PCDH15: variants seen among roughly 807,000 people sequenced by gnomAD.
The protein encoded by PCDH15 is protocadherin related 15, also known as protocadherin-15.
In PCDH15, 129 loss-of-function variants were observed where a neutral mutation model predicts 178.5. That is an observed-to-expected ratio of 0.72 (90% confidence interval 0.63 to 0.84). PCDH15 has a LOEUF of 0.84. Among genes scored for constraint, PCDH15 ranks in the 40% least tolerant of loss-of-function variants. The pLI, the probability that PCDH15 is intolerant of heterozygous loss-of-function variation, is 0.00. For missense variants in PCDH15, 2,230 were observed against 2,099.9 expected (o/e 1.06, Z -1.21); for synonymous variants, 800 against 732.0 (o/e 1.09, Z -1.50).
At chr10:55,433,026 AAAAACAAAAC>A (rs71461301) in intron 2 of PCDH15, among the ~76,000 whole-genome samples, 9 of 115,482 alleles carry the variant, frequency 7.8e-5, no homozygotes, top group African/African-American at 1.1e-4. Context: ...TCCGTCTCAA[AAAAACAAAAC>A]AAAACAAAAC....
chr10:53,922,619 T>G (rs2133890241), intron 25 of PCDH15, among the ~76,000 whole-genome samples: 1 of 152,336 alleles, frequency 6.6e-6, no homozygotes, highest in Non-Finnish European at 1.5e-5. Context: ...TAATCTGTGT[T>G]ACATAGAATT....
intron 2 of PCDH15, among the ~76,000 whole-genome samples, chr10:54,531,061 A>G (rs2083861411): frequency 6.6e-6 from 1 of 152,168 alleles, no homozygotes; most frequent in Admixed American, 6.6e-5. Context: ...CAAAGGGAAG[A>G]CTAGAAAGCA....
intron 3 of PCDH15, among the ~76,000 whole-genome samples, chr10:54,494,601 T>C (rs2079932789): frequency 6.6e-6 from 1 of 152,136 alleles, no homozygotes; most frequent in Non-Finnish European, 1.5e-5. Context: ...CAGCCAATCA[T>C]GCCACCCTTT....
At chr10:54,490,273 ACT>A (rs1426463258) in intron 3 of PCDH15, among the ~76,000 whole-genome samples, 2 of 151,888 alleles carry the variant, frequency 1.3e-5, no homozygotes, top group African/African-American at 4.8e-5. Context: ...ACACGGTGAA[ACT>A]CTGTCTCTAT....
At chr10:55,344,777 T>A (rs1445390255) in intron 2 of PCDH15, among the ~76,000 whole-genome samples, 1 of 152,008 alleles carries the variant, frequency 6.6e-6, no homozygotes, top group Admixed American at 6.6e-5. Flanking sequence ...GAGTAATTAC[T>A]GTATGGATTG....
chr10:53,838,399 G>A (rs988094673), intron 29 of PCDH15, among the ~76,000 whole-genome samples: 12 of 151,978 alleles, frequency 7.9e-5, no homozygotes, highest in Non-Finnish European at 1.8e-4. Flanking sequence ...AACTTATTTA[G>A]AATTAATTAA....
At chr10:53,928,845 G>A (rs1564793541) in intron 25 of PCDH15, among the ~76,000 whole-genome samples, 1 of 151,580 alleles carries the variant, frequency 6.6e-6, no homozygotes, top group African/African-American at 2.4e-5. Context: ...TTTAAATTTG[G>A]ACTAAAAAGG....
rs938143291 is a variant in PCDH15 at position 53,804,798 on chromosome 10, T to C, written c.*1781A>G. 5 of 152,054 alleles carry C rather than the reference T, an allele frequency of 3.3e-5. No homozygotes were observed. The highest frequency in any genetic ancestry group is 1.2e-4 in the African/African-American group (5 of 41,444). 9.4% of individuals were successfully genotyped at this position (152,054 alleles called of 1,614,324 possible). A position where few individuals can be genotyped will look rare whatever the true frequency, so the allele number is the denominator to read the frequency against. ...TGAAGGAATAAGCCCCGGACTTCAT[T>C]GCTTCCAAAATTTAATGTGCATATA... On this transcript the variant is annotated 3_prime_UTR_variant, in exon 38 of 38. Transcript: ENST00000644397.
intron 21 of PCDH15, among the ~76,000 whole-genome samples, chr10:53,984,586 C>T (rs1172586638): frequency 6.6e-6 from 1 of 152,166 alleles, no homozygotes; most frequent in African/African-American, 2.4e-5. Context: ...AATGCACAAA[C>T]ATATAGTAAA....
intron 11 of PCDH15, 134 bp downstream of exon 11, chr10:54,195,549 T>C: frequency 2.8e-6 from 2 of 715,020 alleles, no homozygotes; most frequent in Middle Eastern, 3.5e-4. Flanking sequence ...AATTAAATTA[T>C]AACACTAAAA....
At chr10:54,974,254 T>C (rs74136305) in intron 2 of PCDH15, among the ~76,000 whole-genome samples, 1 of 152,096 alleles carries the variant, frequency 6.6e-6, no homozygotes, top group Admixed American at 6.6e-5. Context: ...ATTATACAAC[T>C]GAGCATACTA....
chr10:54,222,445 G>A (rs916910515), intron 9 of PCDH15, among the ~76,000 whole-genome samples: 1 of 152,172 alleles, frequency 6.6e-6, no homozygotes, highest in African/African-American at 2.4e-5. Flanking sequence ...TAAAGATTTG[G>A]AGACTGGCTT....
intron 2 of PCDH15, among the ~76,000 whole-genome samples, chr10:55,461,231 T>C (rs12256043): frequency 0.012 from 1,761 of 152,256 alleles, 31 homozygotes; most frequent in African/African-American, 0.039. Flanking sequence ...TCATGGTCTC[T>C]TCAGGACGTC....
At chr10:54,511,104 A>G (rs1401284061) in intron 3 of PCDH15, among the ~76,000 whole-genome samples, 3 of 152,172 alleles carry the variant, frequency 2.0e-5, no homozygotes, top group East Asian at 3.9e-4. Flanking sequence ...AATGGAATAC[A>G]TTGATGTCAA....
intron 3 of PCDH15, among the ~76,000 whole-genome samples, chr10:54,389,223 T>A (rs1395697540): frequency 6.6e-6 from 1 of 152,200 alleles, no homozygotes; most frequent in African/African-American, 2.4e-5. Context: ...AATATACTTG[T>A]TAAATCTTGC....
intron 2 of PCDH15, among the ~76,000 whole-genome samples, chr10:55,021,246 ATC>A (rs1840319238): frequency 6.6e-6 from 1 of 152,176 alleles, no homozygotes; most frequent in Admixed American, 6.5e-5. Context: ...TTACTAAACC[ATC>A]TCTTTCTGGT....
chr10:54,831,979 A>G (rs1953233655), intron 3 of PCDH15, among the ~76,000 whole-genome samples: 1 of 152,122 alleles, frequency 6.6e-6, no homozygotes, highest in Non-Finnish European at 1.5e-5. Flanking sequence ...CCTAAATGAT[A>G]AATATTTGTA....
rs190011028 is a variant in PCDH15, at chr10:54,338,543, G to C, written c.594+7822C>G. 2.1e-3 allele frequency among the ~76,000 whole-genome samples: 316 copies of C among 150,528 alleles called. 3 individuals carry two copies. Among genetic ancestry groups the C allele is most frequent in the Admixed American group, 2.6e-3 (39 of 14,980 alleles). The stretch of plus-strand genomic sequence containing the variant: ...CTTACACATTACAAATGAAAATTAT[G>C]GCTTACATTTTCTGAATTATCTCAA... On this transcript the variant is annotated intron_variant, in intron 6 of 37. Coordinates refer to ENST00000644397, the MANE Select transcript of PCDH15 (RefSeq NM_001384140.1).
At chr10:54,961,990 G>A (rs1026831722) in intron 2 of PCDH15, among the ~76,000 whole-genome samples, 1 of 152,116 alleles carries the variant, frequency 6.6e-6, no homozygotes, top group Non-Finnish European at 1.5e-5. Context: ...ACCTACCTTG[G>A]GTCTCCTCTC....
Sources: allele counts gnomAD v4.1 joint callset (sites outside exome capture counted in the v4.1 genomes callset), GRCh38; gene constraint gnomAD v4.1.1; transcripts MANE v1.5; gene names NCBI Gene and HGNC (gene_info 2026-07-23, HGNC 2026-07-21).